Variants in TMPRSS7 observed in about 807,000 individuals in gnomAD.
The protein encoded by TMPRSS7 is transmembrane protease serine 7.
In TMPRSS7, 81 loss-of-function variants were observed where a neutral mutation model predicts 95.6. The ratio of observed to expected loss-of-function variants is 0.85; its 90% confidence interval spans 0.71 to 1.02. The LOEUF is 1.02. Ranked by LOEUF, TMPRSS7 falls within the 50% of genes least tolerant of loss-of-function variation. The probability of loss-of-function intolerance (pLI) is 0.00; values close to 1 mark genes in which losing one functional copy is unlikely to be tolerated. For synonymous variants in TMPRSS7, 364 were observed against 337.8 expected (o/e 1.08, Z -0.85); for missense variants, 945 against 955.2 (o/e 0.99, Z 0.14).
chr3:112,078,786 A>G (rs2073743551), exon 17 of TMPRSS7: 2 of 1,614,022 alleles, frequency 1.2e-6, no homozygotes, highest in African/African-American at 1.3e-5. Context: ...GGTAGAGCTC[A>G]TTGATCAAAC....
chr3:112,063,735 T>A, intron 12 of TMPRSS7, 103 bp downstream of exon 12: 1 of 974,706 alleles, frequency 1.0e-6, no homozygotes, highest in Non-Finnish European at 1.6e-6. Context: ...TTATTATCTA[T>A]TACTGCATAA....
chr3:112,061,792 G>C (rs747639255), exon 11 of TMPRSS7: 12 of 1,606,116 alleles, frequency 7.5e-6, no homozygotes, highest in Non-Finnish European at 1.0e-5. Context: ...CCCAGGTACT[G>C]TGGCTCCTAC....
At chr3:112,045,126 G>C (rs1406724388) in intron 4 of TMPRSS7, among the ~76,000 whole-genome samples, 1 of 152,100 alleles carries the variant, frequency 6.6e-6, no homozygotes, top group Non-Finnish European at 1.5e-5. Context: ...ACATGGCAGA[G>C]TATCAAACAT....
In TMPRSS7 at chr3:112,057,072, AAT is replaced by A. The variant is rs752615109; in HGVS notation, c.1253_1254del (p.Ile418AsnfsTer9). On this transcript the variant is annotated frameshift_variant, in exon 10 of 18. Transcript: ENST00000452346. LOFTEE classifies it high-confidence loss of function. ...TAGCACTGAAATTCTATAACTATTC[AAT>A]AACCAAGAAGAGTATGAAAGGCTGT... The A allele has an allele frequency of 4.3e-6, 7 of 1,613,552 alleles. No individual in the cohort carries two copies. The highest frequency in any genetic ancestry group is 5.9e-6 in the Non-Finnish European group (7 of 1,179,612).
At chr3:112,038,381 C>G (rs1166760570) in intron 2 of TMPRSS7, 60 bp downstream of exon 2, 1 of 660,046 alleles carries the variant, frequency 1.5e-6, no homozygotes, top group East Asian at 2.7e-5. Flanking sequence ...CCAGCATTAG[C>G]AATGCAGCCC....
intron 7 of TMPRSS7, among the ~76,000 whole-genome samples, chr3:112,049,263 A>C (rs569304999): frequency 6.8e-4 from 104 of 152,318 alleles, no homozygotes; most frequent in African/African-American, 2.5e-3. Flanking sequence ...TGGGCCCTTG[A>C]GCCGCTTGCT....
chr3:112,053,690 G>T (rs1001650748), intron 9 of TMPRSS7, among the ~76,000 whole-genome samples: 1 of 152,174 alleles, frequency 6.6e-6, no homozygotes, highest in Non-Finnish European at 1.5e-5. Flanking sequence ...ACATTTTATA[G>T]GTATGGGAAA....
chr3:112,051,648 CT>C (rs371446950), intron 9 of TMPRSS7, among the ~76,000 whole-genome samples: 5 of 81,900 alleles, frequency 6.1e-5, no homozygotes, highest in South Asian at 4.5e-4. Flanking sequence ...ATCTATCTAT[CT>C]ATCTATCTAT....
exon 12 of TMPRSS7, chr3:112,063,552 C>A (rs769202008): frequency 3.7e-6 from 6 of 1,613,860 alleles, no homozygotes. Flanking sequence ...TTTAGATGCT[C>A]CTCCGGTTTA....
intron 3 of TMPRSS7, chr3:112,042,924 T>C: frequency 2.2e-6 from 1 of 445,204 alleles, no homozygotes. Context: ...ATTTCCACGG[T>C]ACTGGAGAGG....
intron 13 of TMPRSS7, among the ~76,000 whole-genome samples, chr3:112,070,724 CTG>C (rs1438444128): frequency 6.6e-6 from 1 of 152,158 alleles, no homozygotes; most frequent in Non-Finnish European, 1.5e-5. Flanking sequence ...ATGTCTGTCT[CTG>C]TACATGAGAT....
chr3:112,080,552 ACT>A (rs2073766152), intron 17 of TMPRSS7, among the ~76,000 whole-genome samples: 1 of 80,816 alleles, frequency 1.2e-5, no homozygotes, highest in Non-Finnish European at 2.7e-5. Context: ...TACTACCACC[ACT>A]ACTACTACTA....
At chr3:112,041,981 G>A (rs1392045429) in exon 3 of TMPRSS7, 2 of 1,551,636 alleles carry the variant, frequency 1.3e-6, no homozygotes, top group East Asian at 2.4e-5. Context: ...CCAACATTGA[G>A]TTTCTTCCCG....
intron 7 of TMPRSS7, 88 bp downstream of exon 7, chr3:112,048,055 T>C: frequency 7.8e-7 from 1 of 1,287,206 alleles, no homozygotes. Flanking sequence ...GATTTTTTTT[T>C]AAAAACAGTT....
At chr3:112,052,310 A>G (rs11927988) in intron 9 of TMPRSS7, among the ~76,000 whole-genome samples, 46,504 of 151,734 alleles carry the variant, frequency 0.31, 7,239 homozygotes, top group African/African-American at 0.34. Flanking sequence ...GAATGTTGCA[A>G]GCAAAGAGAA....
At chr3:112,049,579 G>GT (rs911996503) in intron 7 of TMPRSS7, among the ~76,000 whole-genome samples, 3 of 152,136 alleles carry the variant, frequency 2.0e-5, no homozygotes, top group Non-Finnish European at 4.4e-5. Context: ...CTTTTATGCC[G>GT]TATTTGTGCC....
chr3:112,078,930 C>A (rs1377315015), intron 17 of TMPRSS7, 52 bp downstream of exon 17: 2 of 1,593,972 alleles, frequency 1.3e-6, no homozygotes, highest in Non-Finnish European at 1.7e-6. Flanking sequence ...TCCATAAATG[C>A]TTTCTCACTT....
chr3:112,046,032 T>A, intron 5 of TMPRSS7, 89 bp downstream of exon 5: 1 of 1,173,440 alleles, frequency 8.5e-7, no homozygotes, highest in Non-Finnish European at 1.2e-6. Context: ...AATGAAGCAT[T>A]ACAATGTGGG....
intron 2 of TMPRSS7, 79 bp downstream of exon 2, chr3:112,038,400 C>A: frequency 3.2e-6 from 2 of 633,610 alleles, no homozygotes; most frequent in Non-Finnish European, 5.6e-6. Context: ...CCTAATCTGC[C>A]ATAGGTATTT....
Sources: gnomAD v4.1 joint callset for allele counts (sites outside exome capture counted in the v4.1 genomes callset) on GRCh38, gnomAD v4.1.1 for gene constraint, MANE v1.5 for transcripts, NCBI Gene and HGNC (gene_info 2026-07-23, HGNC 2026-07-21) for gene names.